TEKT5: variants seen among roughly 807,000 people sequenced by gnomAD.
The protein encoded by TEKT5 is tektin 5.
In TEKT5, 52 loss-of-function variants were observed where a neutral mutation model predicts 48.7. The ratio of observed to expected loss-of-function variants is 1.07; its 90% CI spans 0.86 to 1.35. The LOEUF is 1.35. TEKT5 is among the 40% of genes most tolerant of loss of function. TEKT5 has a pLI of 0.00. For synonymous variants in TEKT5, 318 were observed against 267.6 expected, an observed-to-expected ratio of 1.19 and a Z score of -1.84; for missense variants, 831 against 641.6, an observed-to-expected ratio of 1.30 and a Z score of -3.19.
chr16:10,635,333 T>C (rs1421093329), intron 6 of TEKT5, among the ~76,000 whole-genome samples: 1 of 151,930 alleles, frequency 6.6e-6, no homozygotes, highest in African/African-American at 2.4e-5. Flanking sequence ...CAGGGCTTCA[T>C]GGTAAGAACT....
rs1464927996 is a variant in TEKT5 at position 10,680,976 on chromosome 16, T to C, written c.863+1017A>G. On this transcript the variant is annotated intron_variant, in intron 4 of 6. Transcript: ENST00000283025. ...TATACATATGTAACTAACCTGCACA[T>C]TGTGCACATGTATCCTAAAACTTAA... 4.0e-5 allele frequency among the ~76,000 whole-genome samples: 6 copies of C among 150,234 alleles called. No individual in the cohort carries two copies. In the East Asian group the frequency reaches 7.8e-4, roughly 20 times the overall value.
chr16:10,633,178 T>G (rs1338776519), intron 6 of TEKT5, among the ~76,000 whole-genome samples: 1 of 152,038 alleles, frequency 6.6e-6, no homozygotes, highest in Non-Finnish European at 1.5e-5. Flanking sequence ...CTGACCAACA[T>G]GGTGAAACCC....
chr16:10,676,812 C>A (rs1191816115), intron 4 of TEKT5, among the ~76,000 whole-genome samples: 1 of 152,244 alleles, frequency 6.6e-6, no homozygotes, highest in African/African-American at 2.4e-5. Context: ...TCCGTGTCCT[C>A]ATGGCGGTTA....
At chr16:10,668,124 T>C (rs1898490194) in intron 5 of TEKT5, among the ~76,000 whole-genome samples, 1 of 152,180 alleles carries the variant, frequency 6.6e-6, no homozygotes, top group Non-Finnish European at 1.5e-5. Flanking sequence ...GGTGATCTGC[T>C]TGCCTTGGCT....
chr16:10,650,935 G>A (rs186278436), intron 5 of TEKT5, among the ~76,000 whole-genome samples: 7 of 151,456 alleles, frequency 4.6e-5, no homozygotes, highest in Non-Finnish European at 8.8e-5. Flanking sequence ...GCCCCTGCTT[G>A]TGCACTAGAA....
At chr16:10,648,150 A>T (rs2142270997) in intron 5 of TEKT5, among the ~76,000 whole-genome samples, 2 of 152,294 alleles carry the variant, frequency 1.3e-5, no homozygotes, top group South Asian at 4.2e-4. Context: ...GTTCTCCTGG[A>T]ATTCCTGTGT....
intron 6 of TEKT5, 25 bp from the exon 7 acceptor site, chr16:10,627,824 C>T: frequency 6.3e-7 from 1 of 1,598,658 alleles, no homozygotes; most frequent in Non-Finnish European, 8.6e-7. Flanking sequence ...GAGGAGAAGG[C>T]ACAGGTTATT....
At chr16:10,649,840 C>A (rs370458748) in intron 5 of TEKT5, among the ~76,000 whole-genome samples, 15 of 152,134 alleles carry the variant, frequency 9.9e-5, no homozygotes, top group African/African-American at 3.1e-4. Flanking sequence ...GGCATTCCTG[C>A]GCTTGGTACG....
intron 5 of TEKT5, among the ~76,000 whole-genome samples, chr16:10,668,034 T>C (rs2719687): frequency 0.34 from 51,547 of 151,626 alleles, 9,885 homozygotes; most frequent in East Asian, 0.54. Flanking sequence ...TGCGCCACCA[T>C]GCCCAGCTAA....
chr16:10,642,246 T>TGGA (rs1898005434), intron 5 of TEKT5, among the ~76,000 whole-genome samples: 1 of 152,186 alleles, frequency 6.6e-6, no homozygotes. Flanking sequence ...CAAGTCACCC[T>TGGA]GGAGCACACT....
intron 5 of TEKT5, among the ~76,000 whole-genome samples, chr16:10,638,211 C>CCATT (rs1897942614): frequency 6.6e-6 from 1 of 152,192 alleles, no homozygotes; most frequent in South Asian, 2.1e-4. Context: ...GCTCAAAAGC[C>CCATT]TATGCATTTA....
chr16:10,668,669 A>C (rs1027210113), intron 5 of TEKT5, among the ~76,000 whole-genome samples: 5 of 152,150 alleles, frequency 3.3e-5, no homozygotes, highest in Admixed American at 2.0e-4. Flanking sequence ...TGATGCTAAC[A>C]ATGGCTGCTT....
At chr16:10,661,263 A>G (rs1898365656) in intron 5 of TEKT5, among the ~76,000 whole-genome samples, 1 of 152,146 alleles carries the variant, frequency 6.6e-6, no homozygotes, top group African/African-American at 2.4e-5. Flanking sequence ...CAATCCCCCA[A>G]AGCTGTCCAT....
intron 1 of TEKT5, among the ~76,000 whole-genome samples, chr16:10,691,865 G>A (rs540387737): frequency 6.7e-4 from 102 of 151,648 alleles, no homozygotes; most frequent in South Asian, 2.7e-3. Flanking sequence ...GGAGAATGGC[G>A]TGGACCCGGG....
chr16:10,680,787 C>T (rs1405225989), intron 4 of TEKT5, among the ~76,000 whole-genome samples: 1 of 140,876 alleles, frequency 7.1e-6, no homozygotes. Context: ...CATATTCTCA[C>T]TCATAGGTGG....
At chr16:10,667,874 TTAA>T (rs1258512644) in intron 5 of TEKT5, among the ~76,000 whole-genome samples, 2 of 69,306 alleles carry the variant, frequency 2.9e-5, no homozygotes, top group African/African-American at 1.7e-4. Context: ...GAAAAATAAG[TTAA>T]TAATTTTTTT....
At chr16:10,675,665 C>T (rs553114218) in intron 5 of TEKT5, among the ~76,000 whole-genome samples, 1 of 152,212 alleles carries the variant, frequency 6.6e-6, no homozygotes, top group Non-Finnish European at 1.5e-5. Context: ...CGCGCTCGGC[C>T]ACATGGGTCT....
chr16:10,676,957 G>T (rs911475256), intron 4 of TEKT5, among the ~76,000 whole-genome samples: 2 of 152,352 alleles, frequency 1.3e-5, no homozygotes, highest in African/African-American at 2.4e-5. Context: ...GCCAAGGCAG[G>T]CAGATCAGTT....
chr16:10,676,007 G>C lies in TEKT5; in HGVS notation c.1038C>G (p.Ile346Met). The change falls in exon 5 of 7, where the codon ATC (isoleucine) becomes ATG (methionine). Residue 346 changes from isoleucine to methionine, a missense_variant. Ile to Met is a conservative substitution (Grantham distance 10, BLOSUM62 1). Coordinates refer to ENST00000283025, the MANE Select transcript of TEKT5 (RefSeq NM_144674.2). ...TDTNLAFNAR[I>M]SEVTDVKNKL... ...TATTCTTCACATCCGTCACCTCAGA[G>C]ATGCGGGCGTTGAAGGCCAGGTTGG... 1 of 1,614,254 alleles carries C rather than the reference G, an allele frequency of 6.2e-7. No homozygotes were observed. The highest frequency in any genetic ancestry group is 2.2e-5 in the East Asian group (1 of 44,888).
Sources: allele counts gnomAD v4.1 joint callset (sites outside exome capture counted in the v4.1 genomes callset), GRCh38; gene constraint gnomAD v4.1.1; transcripts MANE v1.5; gene names NCBI Gene and HGNC (gene_info 2026-07-23, HGNC 2026-07-21).